Variants in CASR observed in about 807,000 individuals in gnomAD.
CASR encodes extracellular calcium-sensing receptor.
CASR carries 23 observed loss-of-function variants against 69.1 expected under a neutral mutation model. The observed-to-expected ratio is 0.33, with a 90% CI of 0.24 to 0.47. CASR has a LOEUF of 0.47. Ranked by LOEUF, CASR falls within the 20% of genes least tolerant of loss-of-function variation. The pLI, the probability that CASR is intolerant of heterozygous loss-of-function variation, is 1.00. For missense variants in CASR, 924 were observed against 1,356.1 expected (o/e 0.68, Z 5.00); for synonymous variants, 541 against 544.7 (o/e 0.99, Z 0.10).
chr3:122,239,380 G>A (rs1403561987), intron 1 of CASR, among the ~76,000 whole-genome samples: 2 of 152,228 alleles, frequency 1.3e-5, no homozygotes, highest in African/African-American at 4.8e-5. Context: ...TGTGGTTTAA[G>A]GGCCAGCTTA....
chr3:122,264,604 T>G (rs1194780926), intron 4 of CASR, among the ~76,000 whole-genome samples: 1 of 152,184 alleles, frequency 6.6e-6, no homozygotes, highest in Non-Finnish European at 1.5e-5. Context: ...TTCTCCTGAC[T>G]CTTACATGGT....
chr3:122,287,504 G>A lies in CASR; in HGVS notation c.*2313G>A, dbSNP rs185462918. ...AGAAACTTCATCTTAGTCGAATCGG[G>A]GTTTTCACAGTAACCTCAGTGTTTT... On this transcript the variant is annotated 3_prime_UTR_variant, in exon 7 of 7. Coordinates refer to ENST00000639785, the MANE Select transcript of CASR (RefSeq NM_000388.4). 42 of 152,310 alleles carry A rather than the reference G, an allele frequency of 2.8e-4. No homozygotes were observed. Among genetic ancestry groups the A allele is most frequent in the African/African-American group, 1.0e-3 (42 of 41,554 alleles). 9.4% of individuals were successfully genotyped at this position (152,310 alleles called of 1,614,324 possible).
intron 1 of CASR, among the ~76,000 whole-genome samples, chr3:122,208,828 T>C (rs1400953831): frequency 1.3e-5 from 2 of 152,082 alleles, no homozygotes; most frequent in Non-Finnish European, 2.9e-5. Context: ...TTAGAAAGAG[T>C]GAACCTGAAG....
intron 1 of CASR, among the ~76,000 whole-genome samples, chr3:122,202,890 C>T (rs2073971752): frequency 6.6e-6 from 1 of 152,192 alleles, no homozygotes; most frequent in Non-Finnish European, 1.5e-5. Context: ...CCAGTTGCCT[C>T]AATACTGTTA....
intron 3 of CASR, among the ~76,000 whole-genome samples, chr3:122,259,040 T>C (rs556989223): frequency 3.3e-5 from 5 of 152,260 alleles, no homozygotes; most frequent in South Asian, 4.1e-4. Flanking sequence ...AACAGTTTTC[T>C]GAATCATTCT....
intron 4 of CASR, among the ~76,000 whole-genome samples, chr3:122,270,724 C>A (rs556007912): frequency 3.3e-5 from 5 of 152,086 alleles, no homozygotes; most frequent in Non-Finnish European, 2.9e-5. Context: ...ATTTAAAATA[C>A]GTTCCAACTT....
chr3:122,272,906 G>A (rs1230469295), intron 4 of CASR, among the ~76,000 whole-genome samples: 1 of 152,210 alleles, frequency 6.6e-6, no homozygotes, highest in Non-Finnish European at 1.5e-5. Flanking sequence ...TCCAGCCCAT[G>A]CCAACAATAA....
chr3:122,218,734 C>T (rs2074142661), intron 1 of CASR, among the ~76,000 whole-genome samples: 1 of 152,010 alleles, frequency 6.6e-6, no homozygotes, highest in Non-Finnish European at 1.5e-5. Flanking sequence ...TCTCTGCCCT[C>T]AATAGGTTAC....
Position 122,257,294 on chromosome 3 carries a change from G to A in CASR, c.399G>A (p.Glu133=), listed in dbSNP as rs2074565559. ...TTGATGAGTTCTGCAACTGCTCAGA[G>A]CACATTCCCTCTACGATTGCTGTGG... ...LNLDEFCNCS[E]HIPSTIAVVG... is the part of the protein sequence containing the mutation. Residue 133 remains glutamate (E), a synonymous_variant, in exon 3 of 7, where the codon GAG becomes GAA. Transcript: ENST00000639785. 1.2e-6 allele frequency: 2 copies of A among 1,613,960 alleles called. No homozygotes were observed. Among genetic ancestry groups the A allele is most frequent in the African/African-American group, 1.3e-5 (1 of 74,922 alleles).
In CASR at chr3:122,281,880, A is replaced by G. The variant is rs199795281; in HGVS notation, c.1609-233A>G. On this transcript the variant is annotated intron_variant, in intron 5 of 6. Coordinates refer to ENST00000639785, the MANE Select transcript of CASR (RefSeq NM_000388.4). Reference sequence around the variant, plus strand: ...TGTGTCTGTGTATGTGTGCATGCACATGTGTGTGTGTGTGTGCATGTATAC... The same window carrying G: ...TGTGTCTGTGTATGTGTGCATGCACGTGTGTGTGTGTGTGTGCATGTATAC... Among the ~76,000 whole-genome samples the G allele has an allele frequency of 3.0e-4, 24 of 79,158 alleles. No homozygotes were observed. The East Asian group carries it at 0.016, about 53-fold the overall frequency. The allele number at this position is 79,158 out of a possible 152,430, so 51.9% of individuals were successfully genotyped here.
At chr3:122,219,406 G>T (rs2074149453) in intron 1 of CASR, among the ~76,000 whole-genome samples, 1 of 152,176 alleles carries the variant, frequency 6.6e-6, no homozygotes, top group Admixed American at 6.5e-5. Context: ...TGACAGCCTG[G>T]TGTAACCTAC....
At chr3:122,254,636 T>C (rs186985101) in intron 2 of CASR, among the ~76,000 whole-genome samples, 8 of 152,198 alleles carry the variant, frequency 5.3e-5, no homozygotes, top group Non-Finnish European at 7.4e-5. Flanking sequence ...GGTGACCAAG[T>C]TATCATCGTT....
chr3:122,192,268 C>T (rs796907794), intron 1 of CASR, among the ~76,000 whole-genome samples: 42 of 152,342 alleles, frequency 2.8e-4, no homozygotes, highest in African/African-American at 9.6e-4. Flanking sequence ...TGCCCTGTAA[C>T]TTTGGAACCT....
At chr3:122,238,018 C>A (rs138546532) in intron 1 of CASR, among the ~76,000 whole-genome samples, 1 of 152,352 alleles carries the variant, frequency 6.6e-6, no homozygotes, top group East Asian at 1.9e-4. Flanking sequence ...GAAGCCTCCA[C>A]TGATGGCTCC....
intron 4 of CASR, among the ~76,000 whole-genome samples, chr3:122,271,352 T>C (rs937043658): frequency 6.6e-6 from 1 of 152,198 alleles, no homozygotes; most frequent in African/African-American, 2.4e-5. Context: ...GCCACAAAGA[T>C]TCCAGAGTGC....
chr3:122,288,663 C>T lies in CASR; in HGVS notation c.*3472C>T, dbSNP rs181230597. On this transcript the variant is annotated 3_prime_UTR_variant, in exon 7 of 7. Coordinates refer to ENST00000639785, the MANE Select transcript of CASR (RefSeq NM_000388.4). ...GCTTTGGTTATAGAAAATACACAGC[C>T]GTGTTGTCTCATTCTATTATCTGTC... is the stretch of plus-strand genomic sequence containing the variant. 47 of 152,106 alleles carry T rather than the reference C, an allele frequency of 3.1e-4. No individual in the cohort carries two copies. The East Asian group carries it at 8.9e-3, about 29-fold the overall frequency. 9.4% of individuals were successfully genotyped at this position (152,106 alleles called of 1,614,324 possible).
At chr3:122,274,554 G>T (rs989117463) in intron 4 of CASR, among the ~76,000 whole-genome samples, 2 of 152,188 alleles carry the variant, frequency 1.3e-5, no homozygotes, top group African/African-American at 2.4e-5. Flanking sequence ...GATGGACTCA[G>T]CCCAAATGTT....
At chr3:122,196,320 C>G (rs907745832) in intron 1 of CASR, among the ~76,000 whole-genome samples, 1 of 151,708 alleles carries the variant, frequency 6.6e-6, no homozygotes, top group African/African-American at 2.4e-5. Flanking sequence ...AAAATAGATA[C>G]TACAAAATAA....
In CASR at chr3:122,195,891, C is replaced by T. The variant is rs36080024; in HGVS notation, c.-243+12079C>T. On this transcript the variant is annotated intron_variant, in intron 1 of 6. Coordinates refer to ENST00000639785, the MANE Select transcript of CASR (RefSeq NM_000388.4). ...CTGCGAGAGTATAAATGAATACACC[C>T]TTTCTGGAGGGCAATTTAGCAATAC... Among the ~76,000 whole-genome samples the T allele has an allele frequency of 4.8e-3, 738 of 152,264 alleles. 5 individuals carry two copies. The highest frequency in any genetic ancestry group is 0.015 in the African/African-American group (626 of 41,536).
Sources: gnomAD v4.1 joint callset for allele counts (sites outside exome capture counted in the v4.1 genomes callset) on GRCh38, gnomAD v4.1.1 for gene constraint, MANE v1.5 for transcripts, NCBI Gene and HGNC (gene_info 2026-07-23, HGNC 2026-07-21) for gene names.